The following MDGA2 variants were observed in gnomAD, a reference collection of about 807,000 sequenced individuals.
MDGA2 encodes the protein MAM domain containing glycosylphosphatidylinositol anchor 2.
MDGA2 carries 40 observed loss-of-function variants against 117.8 expected under a neutral mutation model. The ratio of observed to expected loss-of-function variants is 0.34; its 90% CI spans 0.26 to 0.44. MDGA2 has a LOEUF of 0.44. Ranked by LOEUF, MDGA2 falls within the 20% of genes least tolerant of loss-of-function variation. The probability of loss-of-function intolerance (pLI) is 1.00; values close to 1 mark genes in which losing one functional copy is unlikely to be tolerated. For missense variants in MDGA2, 1,123 were observed against 1,250.6 expected, an observed-to-expected ratio of 0.90 and a Z score of 1.54; for synonymous variants, 452 against 439.0, an observed-to-expected ratio of 1.03 and a Z score of -0.37.
At chr14:47,257,391 C>A (rs1887659107) in intron 2 of MDGA2, among the ~76,000 whole-genome samples, 1 of 152,058 alleles carries the variant, frequency 6.6e-6, no homozygotes. Flanking sequence ...TAGATTTTTG[C>A]TCAAATATCA....
intron 3 of MDGA2, among the ~76,000 whole-genome samples, chr14:47,217,819 A>G (rs914085480): frequency 1.3e-5 from 2 of 152,058 alleles, no homozygotes; most frequent in Admixed American, 1.3e-4. Flanking sequence ...TCCATAATGA[A>G]TATGTATTAT....
intron 14 of MDGA2, among the ~76,000 whole-genome samples, chr14:46,860,238 A>C (rs1266752805): frequency 6.6e-6 from 1 of 152,050 alleles, no homozygotes; most frequent in Non-Finnish European, 1.5e-5. Flanking sequence ...TAACTAGCAT[A>C]AGTTTTTAGT....
At chr14:47,668,572 T>C (rs1355024923) in intron 1 of MDGA2, among the ~76,000 whole-genome samples, 3 of 152,230 alleles carry the variant, frequency 2.0e-5, no homozygotes, top group African/African-American at 7.2e-5. Context: ...GATATAGTTT[T>C]CTATGAATGC....
In MDGA2 at chr14:47,312,693, G is replaced by GTTT. The variant is rs375332903; in HGVS notation, c.281-11146_281-11144dup. ...TAGTTTTTAGTTTTTTTTTTGTTTTGTTTTGTTTTTTTTTTTTGTAGAGAT... is the reference window on the plus strand; with the variant it reads ...TAGTTTTTAGTTTTTTTTTTGTTTTGTTTTTTTGTTTTTTTTTTTTGTAGAGAT... On this transcript the variant is annotated intron_variant, in intron 1 of 16. Transcript: ENST00000399232. Among the ~76,000 whole-genome samples, 695 of 104,318 alleles carry GTTT rather than the reference G, an allele frequency of 6.7e-3. 51 individuals carry two copies. The highest frequency in any genetic ancestry group is 9.9e-3 in the East Asian group (36 of 3,644). 68.4% of individuals were successfully genotyped at this position (104,318 alleles called of 152,430 possible). A position where few individuals can be genotyped will look rare whatever the true frequency, so the allele number is the denominator to read the frequency against.
At chr14:47,660,738 CACCT>C (rs33983790) in intron 1 of MDGA2, among the ~76,000 whole-genome samples, 38,818 of 151,958 alleles carry the variant, frequency 0.26, 5,902 homozygotes, top group South Asian at 0.45. Context: ...TAAAGTAGTA[CACCT>C]GACAGTGGTT....
chr14:47,061,422 C>G lies in MDGA2; in HGVS notation c.1352G>C (p.Ser451Thr). ...SWFKNGRPLR[S>T]SERMVITQTD... ...CTGTGTAATGACCATCCGCTCAGAA[C>G]TTCTTAATGGACGACCATTTTTAAA... Residue 451 changes from serine (S) to threonine (T), a missense_variant, in exon 7 of 17, where the codon AGT becomes ACT. Around this residue, in one of 2 missense-constraint regions of MDGA2, gnomAD observed 890 missense variants for 1,050.3 expected, o/e 0.85. Coordinates refer to ENST00000399232, the MANE Select transcript of MDGA2 (RefSeq NM_001113498.3). 6.2e-7 allele frequency: 1 copy of G among 1,613,678 alleles called. No homozygotes were observed. The highest frequency in any genetic ancestry group is 8.5e-7 in the Non-Finnish European group (1 of 1,179,678).
At chr14:46,880,722 T>C (rs764968971) in intron 11 of MDGA2, among the ~76,000 whole-genome samples, 51 of 142,522 alleles carry the variant, frequency 3.6e-4, no homozygotes, top group Middle Eastern at 4.0e-3. Context: ...TAATTGCTTG[T>C]ACCCAGGAGG....
chr14:46,985,156 A>G (rs1886816429), intron 8 of MDGA2, among the ~76,000 whole-genome samples: 1 of 152,086 alleles, frequency 6.6e-6, no homozygotes, highest in Admixed American at 6.6e-5. Flanking sequence ...TTCAATTCCT[A>G]GTTTGCATTT....
At chr14:47,664,190 A>G (rs1897900408) in intron 1 of MDGA2, among the ~76,000 whole-genome samples, 1 of 152,164 alleles carries the variant, frequency 6.6e-6, no homozygotes. Context: ...ATCAAATTGC[A>G]TTTTCATGCA....
intron 1 of MDGA2, among the ~76,000 whole-genome samples, chr14:47,474,443 A>C (rs1893793434): frequency 6.6e-6 from 1 of 152,098 alleles, no homozygotes; most frequent in African/African-American, 2.4e-5. Context: ...TTCCCATTAA[A>C]CTACCACTGA....
intron 1 of MDGA2, among the ~76,000 whole-genome samples, chr14:47,616,418 G>C (rs1566543199): frequency 6.6e-6 from 1 of 152,144 alleles, no homozygotes; most frequent in Non-Finnish European, 1.5e-5. Flanking sequence ...AAAAGAAGAA[G>C]ACCTAAATTT....
At chr14:47,005,279 G>C (rs1887671392) in intron 8 of MDGA2, among the ~76,000 whole-genome samples, 1 of 151,506 alleles carries the variant, frequency 6.6e-6, no homozygotes, top group African/African-American at 2.4e-5. Flanking sequence ...TCTATGTCTA[G>C]TTATCTAAGA....
At chr14:47,597,890 C>G (rs1305514774) in intron 1 of MDGA2, among the ~76,000 whole-genome samples, 1 of 144,316 alleles carries the variant, frequency 6.9e-6, no homozygotes, top group East Asian at 2.7e-4. Context: ...ACACAAAACA[C>G]AGAGTCTGGA....
chr14:47,251,457 T>A (rs1454414095), intron 2 of MDGA2, among the ~76,000 whole-genome samples: 2 of 149,396 alleles, frequency 1.3e-5, no homozygotes, highest in African/African-American at 4.9e-5. Flanking sequence ...AAGCACTTTA[T>A]TATATTTAGT....
chr14:47,191,834 CA>C (rs1179008006), intron 3 of MDGA2, among the ~76,000 whole-genome samples: 4 of 151,958 alleles, frequency 2.6e-5, no homozygotes, highest in African/African-American at 9.7e-5. Flanking sequence ...AGAGTCAGAA[CA>C]GAGTAAAATG....
chr14:47,351,078 A>T (rs1890868001), intron 1 of MDGA2, among the ~76,000 whole-genome samples: 4 of 127,946 alleles, frequency 3.1e-5, no homozygotes, highest in Admixed American at 7.9e-5. Context: ...GGCCCGGCTA[A>T]TTTTTTTTTT....
rs531092205 is a variant in MDGA2 at position 47,225,231 on chromosome 14, A to G, written c.421-7036T>C. Among the ~76,000 whole-genome samples, 73 of 152,168 alleles carry G rather than the reference A, an allele frequency of 4.8e-4. No homozygotes were observed. In the South Asian group the frequency reaches 7.9e-3, roughly 17 times the overall value. Reference sequence around the variant, plus strand: ...TGTTGGTGGGACTGTAAACTAGTTCAACCATTGTGGAAGTCAGTGTGGCGA... The same window carrying G: ...TGTTGGTGGGACTGTAAACTAGTTCGACCATTGTGGAAGTCAGTGTGGCGA... On this transcript the variant is annotated intron_variant, in intron 2 of 16. Coordinates refer to ENST00000399232, the MANE Select transcript of MDGA2 (RefSeq NM_001113498.3).
chr14:47,110,931 A>T (rs1881001570), intron 5 of MDGA2, among the ~76,000 whole-genome samples: 1 of 152,216 alleles, frequency 6.6e-6, no homozygotes, highest in Non-Finnish European at 1.5e-5. Flanking sequence ...TTGTAAATTT[A>T]GAGATGTACG....
At chr14:47,494,370 C>G (rs1351528283) in intron 1 of MDGA2, among the ~76,000 whole-genome samples, 5 of 152,150 alleles carry the variant, frequency 3.3e-5, no homozygotes, top group Non-Finnish European at 5.9e-5. Flanking sequence ...TGCTATCCTA[C>G]TATTTTAAAA....
Sources: allele counts gnomAD v4.1 joint callset (sites outside exome capture counted in the v4.1 genomes callset), GRCh38; gene constraint gnomAD v4.1.1; regional missense constraint gnomAD v4.1.1; transcripts MANE v1.5; gene names NCBI Gene and HGNC (gene_info 2026-07-23, HGNC 2026-07-21).